The following CAMK2G variants were observed in gnomAD, a reference collection of about 807,000 sequenced individuals.
CAMK2G encodes the protein calcium/calmodulin-dependent protein kinase type II subunit gamma.
In CAMK2G, 23 loss-of-function variants were observed where a neutral mutation model predicts 88.7. That is an observed-to-expected ratio of 0.26 (90% CI 0.19 to 0.37). CAMK2G has a LOEUF of 0.37. Ranked by LOEUF, CAMK2G falls within the 10% of genes least tolerant of loss-of-function variation. The pLI, the probability that CAMK2G is intolerant of heterozygous loss-of-function variation, is 1.00. For synonymous variants in CAMK2G, 263 were observed against 294.8 expected (o/e 0.89, Z 1.11); for missense variants, 476 against 780.8 (o/e 0.61, Z 4.65).
rs143156723 is a variant in CAMK2G at position 73,842,747 on chromosome 10, C to T, written c.820-206G>A. ...CAAGGTTACATAAGGACAACATGAA[C>T]GTGAGAACACCATAACGGATGCTAG... On this transcript the variant is annotated intron_variant, in intron 10 of 22. Transcript: ENST00000423381. The surrounding 1 kb of genome is among the most constrained non-coding windows in gnomAD (Gnocchi z 4.6). Among the ~76,000 whole-genome samples, 4 of 152,292 alleles carry T rather than the reference C, an allele frequency of 2.6e-5. No individual in the cohort carries two copies. The highest frequency in any genetic ancestry group is 3.9e-4 in the East Asian group (2 of 5,186).
intron 14 of CAMK2G, among the ~76,000 whole-genome samples, chr10:73,832,453 C>T (rs923580366): frequency 1.5e-4 from 23 of 152,130 alleles, no homozygotes; most frequent in South Asian, 1.2e-3. Flanking sequence ...ATTACAGGCA[C>T]GCACCACCAC....
intron 2 of CAMK2G, among the ~76,000 whole-genome samples, chr10:73,864,431 G>A (rs1306762618): frequency 6.6e-6 from 1 of 152,220 alleles, no homozygotes; most frequent in Non-Finnish European, 1.5e-5. Flanking sequence ...TGTGTATGGG[G>A]GAGGGATGGA....
chr10:73,865,204 C>T (rs1378839183), intron 2 of CAMK2G, among the ~76,000 whole-genome samples: 4 of 152,198 alleles, frequency 2.6e-5, no homozygotes, highest in Non-Finnish European at 4.4e-5. Flanking sequence ...CTTCTGGGCT[C>T]CCCACATGGT....
chr10:73,871,024 C>T (rs909599807), intron 2 of CAMK2G, among the ~76,000 whole-genome samples: 1 of 152,198 alleles, frequency 6.6e-6, no homozygotes, highest in African/African-American at 2.4e-5. Context: ...GGCATCTGTG[C>T]CTATCATCTG....
intron 9 of CAMK2G, 129 bp from the exon 10 acceptor site, chr10:73,847,476 T>C (rs995060587): frequency 4.1e-6 from 4 of 965,668 alleles, no homozygotes; most frequent in African/African-American, 3.3e-5. Flanking sequence ...ACTGGCAGAG[T>C]TGGAGAAGCC....
intron 14 of CAMK2G, among the ~76,000 whole-genome samples, chr10:73,836,753 C>T (rs1244536633): frequency 6.6e-6 from 1 of 152,214 alleles, no homozygotes; most frequent in Non-Finnish European, 1.5e-5. Flanking sequence ...ATCCTTTCTG[C>T]CCCCAAAGCA....
chr10:73,872,900 G>C, intron 2 of CAMK2G, 89 bp downstream of exon 2: 2 of 864,904 alleles, frequency 2.3e-6, no homozygotes, highest in Non-Finnish European at 4.0e-6. Context: ...GTGCTAAAAC[G>C]CACAACCCCC....
chr10:73,855,818 G>A (rs2094986655), intron 3 of CAMK2G, among the ~76,000 whole-genome samples: 1 of 152,240 alleles, frequency 6.6e-6, no homozygotes, highest in African/African-American at 2.4e-5. Flanking sequence ...GGAGGAAGCT[G>A]TATCTGAATA....
At position 73,839,100 on chromosome 10, in the gene CAMK2G, A is replaced by G. The variant is rs2093525950; in HGVS notation, c.1009+439T>C. On this transcript the variant is annotated intron_variant, in intron 13 of 22. Transcript: ENST00000423381. The surrounding 1 kb of genome is among the most constrained non-coding windows in gnomAD (Gnocchi z 4.2). ...AGGCTTCTGCACTCTGGAGCCTTTC[A>G]GACCTGGAGGCCAGCAAGCGCCAGA... Among the ~76,000 whole-genome samples the G allele has an allele frequency of 6.6e-6, 1 of 152,212 alleles. No homozygotes were observed. Among genetic ancestry groups the G allele is most frequent in the African/African-American group, 2.4e-5 (1 of 41,448 alleles).
At chr10:73,822,602 T>C (rs899648476) in intron 17 of CAMK2G, among the ~76,000 whole-genome samples, 12 of 152,180 alleles carry the variant, frequency 7.9e-5, no homozygotes, top group African/African-American at 7.2e-5. Flanking sequence ...AGGGCCTCTG[T>C]AGCAGGCCCT....
At chr10:73,816,968 AG>A in intron 21 of CAMK2G, 54 bp downstream of exon 21, 1 of 1,613,814 alleles carries the variant, frequency 6.2e-7, no homozygotes, top group Non-Finnish European at 8.5e-7. Context: ...CAGGAGACAG[AG>A]ACAAAGGGGT....
At chr10:73,820,791 G>A (rs897084169) in intron 18 of CAMK2G, among the ~76,000 whole-genome samples, 49 of 144,976 alleles carry the variant, frequency 3.4e-4, no homozygotes, top group African/African-American at 8.5e-4. Context: ...TCCCACCTCC[G>A]CCTCCCGAGT....
At chr10:73,815,897 AT>A in intron 21 of CAMK2G, 3 of 985,240 alleles carry the variant, frequency 3.0e-6, no homozygotes, top group Non-Finnish European at 3.6e-6. Context: ...TTTTATTGAG[AT>A]TCACATTTTA....
rs1590587288 is a variant in CAMK2G, at chr10:73,842,364, G to A, written c.903+94C>T. 8.5e-7 allele frequency: 1 copy of A among 1,178,792 alleles called. No individual in the cohort carries two copies. The highest frequency in any genetic ancestry group is 1.2e-5 in the South Asian group (1 of 82,044). The allele number at this position is 1,178,792 out of a possible 1,614,324, so 73.0% of individuals were successfully genotyped here. A position where few individuals can be genotyped will look rare whatever the true frequency, so the allele number is the denominator to read the frequency against. On this transcript the variant is annotated intron_variant, in intron 11 of 22. Transcript: ENST00000423381. The surrounding 1 kb of genome is among the most constrained non-coding windows in gnomAD (Gnocchi z 4.6). ...GTACAACCTTCAGAGCCCAGCTCCA[G>A]CCAGGAGGGGAGCTTCCTTCTGAAA...
At chr10:73,822,764 A>G (rs1282984395) in intron 17 of CAMK2G, among the ~76,000 whole-genome samples, 3 of 151,714 alleles carry the variant, frequency 2.0e-5, no homozygotes, top group Non-Finnish European at 4.4e-5. Context: ...CTTCCCACCC[A>G]CCATTCAGTT....
chr10:73,867,272 C>A (rs1247931829), intron 2 of CAMK2G, among the ~76,000 whole-genome samples: 1 of 152,210 alleles, frequency 6.6e-6, no homozygotes, highest in Non-Finnish European at 1.5e-5. Context: ...AGCGAAAAGG[C>A]CCTCAATCAG....
chr10:73,849,481 C>T (rs2094475862), intron 5 of CAMK2G, 148 bp from the exon 6 acceptor site: 1 of 609,834 alleles, frequency 1.6e-6, no homozygotes, highest in African/African-American at 1.8e-5. Context: ...TTAGACTCTG[C>T]ACATCATCTT....
chr10:73,874,367 A>T, intron 1 of CAMK2G, 30 bp downstream of exon 1: 1 of 1,440,562 alleles, frequency 6.9e-7, no homozygotes. Context: ...GCGGCAGGGC[A>T]GGCAGGGGAC....
At chr10:73,834,328 G>C (rs184881913) in intron 14 of CAMK2G, among the ~76,000 whole-genome samples, 19 of 152,350 alleles carry the variant, frequency 1.2e-4, no homozygotes, top group African/African-American at 4.6e-4. Flanking sequence ...AATTTTGGGT[G>C]ATCATTGGCC....
Sources: gnomAD v4.1 joint callset for allele counts (sites outside exome capture counted in the v4.1 genomes callset) on GRCh38, gnomAD v4.1.1 for gene constraint, Gnocchi (gnomAD v3.1) non-coding constraint, MANE v1.5 for transcripts, NCBI Gene and HGNC (gene_info 2026-07-23, HGNC 2026-07-21) for gene names.